The following ZDHHC11B variants were observed in gnomAD, a reference collection of about 807,000 sequenced individuals.
The protein encoded by ZDHHC11B is zDHHC palmitoyltransferase 11B (putative), also known as probable palmitoyltransferase ZDHHC11B.
ZDHHC11B carries 17 observed loss-of-function variants against 42.3 expected under a neutral mutation model. The observed-to-expected ratio is 0.40, with a 90% CI of 0.27 to 0.60. ZDHHC11B has a LOEUF of 0.60. ZDHHC11B is among the 20% of genes least tolerant of loss of function. The probability of loss-of-function intolerance (pLI) is 0.41; values close to 1 mark genes in which losing one functional copy is unlikely to be tolerated. For synonymous variants in ZDHHC11B, 123 were observed against 193.5 expected, an observed-to-expected ratio of 0.64 and a Z score of 3.02; for missense variants, 262 against 463.2, an observed-to-expected ratio of 0.57 and a Z score of 3.99.
intron 13 of ZDHHC11B, among the ~76,000 whole-genome samples, chr5:715,400 G>C (rs1398455651): frequency 6.6e-6 from 1 of 151,346 alleles, no homozygotes; most frequent in Non-Finnish European, 1.5e-5. Context: ...GTAGACTCAG[G>C]TGCTGTTCTG....
intron 7 of ZDHHC11B, among the ~76,000 whole-genome samples, 166 bp from the exon 8 acceptor site, chr5:748,725 G>GTA (rs768991582): frequency 0.098 from 12,426 of 126,314 alleles, 1,199 homozygotes; most frequent in African/African-American, 0.25. Flanking sequence ...AGTGCCCCAT[G>GTA]GGCCCTGCTG....
intron 4 of ZDHHC11B, among the ~76,000 whole-genome samples, chr5:760,477 C>T (rs1190245960): frequency 6.6e-6 from 1 of 151,686 alleles, no homozygotes; most frequent in Non-Finnish European, 1.5e-5. Context: ...CAGTGTGCAG[C>T]CAGCACCCGA....
At chr5:783,402 C>T (rs1737001267) in intron 1 of ZDHHC11B, among the ~76,000 whole-genome samples, 1 of 152,264 alleles carries the variant, frequency 6.6e-6, no homozygotes. Context: ...TAGTCCCAGG[C>T]CACAGGGAGC....
rs1488248074 is a variant in ZDHHC11B at position 748,132 on chromosome 5, AGC to A, written c.784+270_784+271del. The A allele has an allele frequency of 1.8e-5, 10 of 550,446 alleles. 3 individuals carry two copies. Among genetic ancestry groups the A allele is most frequent in the Non-Finnish European group, 2.8e-5 (9 of 319,112 alleles). The allele number at this position is 550,446 out of a possible 1,614,324, so 34.1% of individuals were successfully genotyped here. A position where few individuals can be genotyped will look rare whatever the true frequency, so the allele number is the denominator to read the frequency against. ...AAACTTGTTACTTCAAGCACCCGGC[AGC>A]GCTCCTGCAGGTCTCAGCGTTGAGT... is the stretch of plus-strand genomic sequence containing the variant. On this transcript the variant is annotated intron_variant, in intron 8 of 13. Transcript: ENST00000508859.
At chr5:752,995 C>A (rs1332878696) in intron 6 of ZDHHC11B, among the ~76,000 whole-genome samples, 1 of 45,784 alleles carries the variant, frequency 2.2e-5, no homozygotes, top group African/African-American at 1.7e-4. Flanking sequence ...GGCCTCCTCT[C>A]CCCGCAGCCA....
chr5:723,974 G>C (rs1221920659), intron 12 of ZDHHC11B, among the ~76,000 whole-genome samples: 2 of 135,378 alleles, frequency 1.5e-5, no homozygotes, highest in East Asian at 4.6e-4. Context: ...CTGTATGACT[G>C]CTCAGCTCTC....
chr5:772,738 C>A (rs1374213805), intron 1 of ZDHHC11B, among the ~76,000 whole-genome samples: 1 of 151,800 alleles, frequency 6.6e-6, no homozygotes, highest in Non-Finnish European at 1.5e-5. Flanking sequence ...AGCCTTTCTG[C>A]ACCAAGGGGT....
intron 12 of ZDHHC11B, among the ~76,000 whole-genome samples, chr5:728,884 G>A (rs1742791398): frequency 6.6e-6 from 1 of 151,834 alleles, no homozygotes; most frequent in South Asian, 2.1e-4. Flanking sequence ...GTGGTGGCAT[G>A]AGCCTGTGGT....
At chr5:760,417 G>T (rs1217659972) in intron 4 of ZDHHC11B, among the ~76,000 whole-genome samples, 2 of 151,746 alleles carry the variant, frequency 1.3e-5, no homozygotes, top group African/African-American at 2.4e-5. Context: ...ACGAGAAGAC[G>T]AGCCACAGAG....
rs2150254675 is a variant in ZDHHC11B at position 784,717 on chromosome 5, C to A, written c.-279G>T. Among the ~76,000 whole-genome samples the A allele has an allele frequency of 6.7e-6, 1 of 149,900 alleles. No individual in the cohort carries two copies. Among genetic ancestry groups the A allele is most frequent in the South Asian group, 2.1e-4 (1 of 4,738 alleles). On this transcript the variant is annotated 5_prime_UTR_variant, in exon 1 of 14. Coordinates refer to ENST00000508859, the MANE Select transcript of ZDHHC11B (RefSeq NM_001351303.2). The stretch of plus-strand genomic sequence containing the variant: ...GAGGCTCCCCCGCGACCCGGCCGCG[C>A]GCGACCAAGTGCTCAGCGCAGCGCT...
chr5:715,176 G>A (rs1437382777), intron 13 of ZDHHC11B, among the ~76,000 whole-genome samples: 8 of 150,802 alleles, frequency 5.3e-5, no homozygotes, highest in East Asian at 1.9e-4. Flanking sequence ...ACTAAGACAC[G>A]CCTTGTGTCC....
chr5:717,640 G>A (rs1290575287), intron 12 of ZDHHC11B, among the ~76,000 whole-genome samples: 4 of 151,844 alleles, frequency 2.6e-5, no homozygotes, highest in Non-Finnish European at 5.9e-5. Context: ...ATCCATAAAT[G>A]AGTAAGGACA....
At chr5:745,067 G>T in intron 9 of ZDHHC11B, 116 bp downstream of exon 9, 1 of 1,105,182 alleles carries the variant, frequency 9.0e-7, no homozygotes, top group Non-Finnish European at 1.3e-6. Flanking sequence ...ACACAGCAGA[G>T]TCCATGGGCT....
intron 1 of ZDHHC11B, among the ~76,000 whole-genome samples, chr5:777,381 G>T (rs1466714426): frequency 1.3e-5 from 2 of 151,810 alleles, no homozygotes; most frequent in African/African-American, 4.8e-5. Flanking sequence ...CCTCCGGTGG[G>T]CTCGTGGTCT....
At chr5:736,874 C>G (rs1459498559) in intron 10 of ZDHHC11B, among the ~76,000 whole-genome samples, 1 of 129,920 alleles carries the variant, frequency 7.7e-6, no homozygotes. Flanking sequence ...TGAAAGAGCA[C>G]AAACAGACAA....
intron 12 of ZDHHC11B, among the ~76,000 whole-genome samples, chr5:720,021 G>A (rs1167095340): frequency 6.6e-6 from 1 of 151,744 alleles, no homozygotes; most frequent in Non-Finnish European, 1.5e-5. Flanking sequence ...ACAGGGTTTG[G>A]TACTATCTAC....
intron 1 of ZDHHC11B, among the ~76,000 whole-genome samples, chr5:776,320 G>A (rs1165299026): frequency 5.3e-5 from 8 of 152,014 alleles, no homozygotes; most frequent in Non-Finnish European, 1.0e-4. Context: ...GCCCTGGGAT[G>A]GCCCCTCTGC....
At chr5:767,293 G>T in intron 3 of ZDHHC11B, 99 bp downstream of exon 3, 1 of 1,360,370 alleles carries the variant, frequency 7.4e-7, no homozygotes, top group Non-Finnish European at 1.0e-6. Flanking sequence ...CTGCGGGATG[G>T]CCCTCTCCCC....
intron 1 of ZDHHC11B, among the ~76,000 whole-genome samples, chr5:777,859 C>T (rs1239303333): frequency 6.6e-6 from 1 of 151,840 alleles, no homozygotes; most frequent in African/African-American, 2.4e-5. Context: ...CCATGGGACC[C>T]GGCGGGGGCG....
Sources: allele counts gnomAD v4.1 joint callset (sites outside exome capture counted in the v4.1 genomes callset), GRCh38; gene constraint gnomAD v4.1.1; transcripts MANE v1.5; gene names NCBI Gene and HGNC (gene_info 2026-07-23, HGNC 2026-07-21).